PIP4P2: variants seen among roughly 807,000 people sequenced by gnomAD.
PIP4P2 encodes the protein type 2 phosphatidylinositol 4,5-bisphosphate 4-phosphatase.
PIP4P2 carries 19 observed loss-of-function variants against 33.3 expected under a neutral mutation model. The observed-to-expected ratio is 0.57, with a 90% CI of 0.40 to 0.84. PIP4P2 has a LOEUF of 0.84. PIP4P2 is among the 40% of genes least tolerant of loss of function. The probability of loss-of-function intolerance (pLI) is 0.00; values close to 1 mark genes in which losing one functional copy is unlikely to be tolerated. For synonymous variants in PIP4P2, 110 were observed against 111.9 expected (o/e 0.98, Z 0.11); for missense variants, 270 against 324.7 (o/e 0.83, Z 1.29).
intron 4 of PIP4P2, among the ~76,000 whole-genome samples, chr8:91,012,731 C>T (rs1458761787): frequency 6.6e-6 from 1 of 152,098 alleles, no homozygotes; most frequent in African/African-American, 2.4e-5. Context: ...TAAGGAAGAG[C>T]CAGCTTTAGA....
intron 1 of PIP4P2, among the ~76,000 whole-genome samples, chr8:91,030,838 T>C (rs544793088): frequency 6.6e-6 from 1 of 152,332 alleles, no homozygotes; most frequent in East Asian, 1.9e-4. Context: ...TAACTGTATA[T>C]AGAGTTTAAT....
At chr8:91,009,242 A>G (rs1811800578) in intron 4 of PIP4P2, among the ~76,000 whole-genome samples, 1 of 152,138 alleles carries the variant, frequency 6.6e-6, no homozygotes, top group African/African-American at 2.4e-5. Context: ...GTCACCAAGT[A>G]CATAAACTAA....
intron 4 of PIP4P2, among the ~76,000 whole-genome samples, chr8:91,012,489 A>C (rs1287419313): frequency 6.6e-6 from 1 of 152,110 alleles, no homozygotes; most frequent in Non-Finnish European, 1.5e-5. Context: ...TATTCTTCAT[A>C]ATACTGAGCA....
At chr8:91,040,527 G>A in intron 1 of PIP4P2, 117 bp downstream of exon 1, 1 of 1,193,124 alleles carries the variant, frequency 8.4e-7, no homozygotes. Context: ...TCCTTCCTCA[G>A]CCCAAGCGAG....
intron 5 of PIP4P2, among the ~76,000 whole-genome samples, chr8:90,997,760 A>C (rs1339236817): frequency 6.6e-6 from 1 of 152,134 alleles, no homozygotes; most frequent in Non-Finnish European, 1.5e-5. Flanking sequence ...TATGCCTAAC[A>C]CATAATAACC....
intron 1 of PIP4P2, among the ~76,000 whole-genome samples, chr8:91,030,193 G>A (rs1200885804): frequency 1.4e-5 from 2 of 141,886 alleles, no homozygotes; most frequent in Non-Finnish European, 1.5e-5. Context: ...CAGACTGGGC[G>A]ACAGAGCAAG....
chr8:91,022,250 T>C (rs72664413), intron 1 of PIP4P2, among the ~76,000 whole-genome samples: 125 of 152,294 alleles, frequency 8.2e-4, no homozygotes, highest in Non-Finnish European at 1.4e-3. Flanking sequence ...TTTGTGTATG[T>C]TTGAAAATTC....
intron 4 of PIP4P2, among the ~76,000 whole-genome samples, chr8:91,015,498 G>GC (rs1178598660): frequency 6.6e-6 from 1 of 152,124 alleles, no homozygotes; most frequent in Non-Finnish European, 1.5e-5. Context: ...AGAAAACAGA[G>GC]ATAAGGCATA....
intron 4 of PIP4P2, among the ~76,000 whole-genome samples, chr8:91,015,256 A>C (rs1811899018): frequency 6.6e-6 from 1 of 152,148 alleles, no homozygotes; most frequent in South Asian, 2.1e-4. Context: ...AAAGAAAAAA[A>C]GACCAATTGA....
At position 90,995,615 on chromosome 8, in the gene PIP4P2, C is replaced by A; in HGVS notation, c.*62G>T. The A allele has an allele frequency of 6.5e-7, 1 of 1,546,500 alleles. No homozygotes were observed. Among genetic ancestry groups the A allele is most frequent in the Non-Finnish European group, 8.7e-7 (1 of 1,151,574 alleles). On this transcript the variant is annotated 3_prime_UTR_variant, in exon 7 of 7. Coordinates refer to ENST00000285419, the MANE Select transcript of PIP4P2 (RefSeq NM_018710.3). ...ATTAGGATAAATAATTTAAAGATGTCCAGAGTAGCTTACCAAGAACTGCTA... is the reference window on the plus strand; with the variant it reads ...ATTAGGATAAATAATTTAAAGATGTACAGAGTAGCTTACCAAGAACTGCTA...
intron 1 of PIP4P2, among the ~76,000 whole-genome samples, chr8:91,028,731 C>A (rs1332737333): frequency 1.3e-5 from 2 of 152,148 alleles, no homozygotes; most frequent in African/African-American, 4.8e-5. Flanking sequence ...GAGATTGGTG[C>A]CACTAGGAAA....
intron 5 of PIP4P2, among the ~76,000 whole-genome samples, chr8:91,006,656 C>T (rs908981923): frequency 1.2e-4 from 18 of 152,176 alleles, no homozygotes; most frequent in African/African-American, 3.9e-4. Flanking sequence ...CTGCTTAGCA[C>T]ACAGTCTGCT....
At chr8:91,013,446 A>T (rs1470986912) in intron 4 of PIP4P2, among the ~76,000 whole-genome samples, 1 of 152,154 alleles carries the variant, frequency 6.6e-6, no homozygotes, top group Admixed American at 6.6e-5. Flanking sequence ...GAAAATAACA[A>T]ATATGCTTTA....
intron 1 of PIP4P2, among the ~76,000 whole-genome samples, chr8:91,038,672 A>G (rs899769151): frequency 1.3e-5 from 2 of 152,188 alleles, no homozygotes; most frequent in African/African-American, 4.8e-5. Context: ...ATTACTCATA[A>G]TATTTATTAC....
chr8:90,994,742 C>CAAATAT lies in PIP4P2; in HGVS notation c.*929_*934dup, dbSNP rs1360389441. On this transcript the variant is annotated 3_prime_UTR_variant, in exon 7 of 7. Coordinates refer to ENST00000285419, the MANE Select transcript of PIP4P2 (RefSeq NM_018710.3). ...ACTGTAAAATGTCATAAGCTTCCTTCAAATATAAGTAGTACATAATTACCT... is the reference window on the plus strand; with the variant it reads ...ACTGTAAAATGTCATAAGCTTCCTTCAAATATAAATATAAGTAGTACATAATTACCT... The CAAATAT allele has an allele frequency of 1.3e-5, 2 of 152,030 alleles. No individual in the cohort carries two copies. Among genetic ancestry groups the CAAATAT allele is most frequent in the African/African-American group, 4.8e-5 (2 of 41,394 alleles). The allele number at this position is 152,030 out of a possible 1,614,324, so 9.4% of individuals were successfully genotyped here.
At chr8:91,010,616 C>T (rs538800569) in intron 4 of PIP4P2, among the ~76,000 whole-genome samples, 1 of 151,848 alleles carries the variant, frequency 6.6e-6, no homozygotes, top group Admixed American at 6.6e-5. Context: ...ACGGAGCAAA[C>T]TAATAACAAA....
At chr8:91,027,274 A>C (rs1346297322) in intron 1 of PIP4P2, among the ~76,000 whole-genome samples, 3 of 152,212 alleles carry the variant, frequency 2.0e-5, no homozygotes, top group African/African-American at 7.2e-5. Flanking sequence ...GATTGTACCC[A>C]AACAGAGCTG....
intron 5 of PIP4P2, among the ~76,000 whole-genome samples, chr8:91,003,479 C>T (rs891215792): frequency 6.6e-6 from 1 of 151,986 alleles, no homozygotes; most frequent in Admixed American, 6.6e-5. Flanking sequence ...GGATAACATT[C>T]ATTAAAATAA....
chr8:91,008,774 TG>T lies in PIP4P2; in HGVS notation c.507del (p.Asn169LysfsTer32). On this transcript the variant is annotated frameshift_variant, in exon 5 of 7. Coordinates refer to ENST00000285419, the MANE Select transcript of PIP4P2 (RefSeq NM_018710.3). LOFTEE classifies it high-confidence loss of function. ...NTFLWMELRFNTLAKCPHCKK... is the reference protein window; with the variant it reads ...NTFLWMELRFXTLAKCPHCKK... ...TTGCAGTGTGGGCATTTTGCCAGAGTGTTGAACCTCAGTTCCATCCACTGTA... is the reference window on the plus strand; with the variant it reads ...TTGCAGTGTGGGCATTTTGCCAGAGTTTGAACCTCAGTTCCATCCACTGTA... 1 of 1,609,258 alleles carries T rather than the reference TG, an allele frequency of 6.2e-7. No homozygotes were observed. The highest frequency in any genetic ancestry group is 8.5e-7 in the Non-Finnish European group (1 of 1,176,606).
Sources: allele counts gnomAD v4.1 joint callset (sites outside exome capture counted in the v4.1 genomes callset), GRCh38; gene constraint gnomAD v4.1.1; transcripts MANE v1.5; gene names NCBI Gene and HGNC (gene_info 2026-07-23, HGNC 2026-07-21).